Variants in AFAP1L2 observed in about 807,000 individuals in gnomAD.
AFAP1L2 encodes actin filament associated protein 1 like 2.
AFAP1L2 carries 46 observed loss-of-function variants against 99.3 expected under a neutral mutation model. The observed-to-expected ratio is 0.46, with a 90% confidence interval of 0.37 to 0.59. The LOEUF (loss-of-function observed/expected upper bound fraction) is 0.59, where lower values mean the gene tolerates loss of function less well. Ranked by LOEUF, AFAP1L2 falls within the 20% of genes least tolerant of loss-of-function variation. The probability of loss-of-function intolerance (pLI) is 0.00; values close to 1 mark genes in which losing one functional copy is unlikely to be tolerated. For synonymous variants in AFAP1L2, 397 were observed against 419.1 expected (o/e 0.95, Z 0.64); for missense variants, 959 against 1,034.9 (o/e 0.93, Z 1.01).
intron 1 of AFAP1L2, among the ~76,000 whole-genome samples, chr10:114,360,535 A>G (rs539370098): frequency 2.1e-4 from 30 of 141,826 alleles, no homozygotes; most frequent in Non-Finnish European, 3.6e-4. Context: ...ATAGATAGAT[A>G]GATAGATAGA....
At chr10:114,305,861 C>G (rs1261342770) in intron 10 of AFAP1L2, among the ~76,000 whole-genome samples, 8 of 59,646 alleles carry the variant, frequency 1.3e-4, no homozygotes, top group African/African-American at 3.5e-4. Context: ...GGAGGGGACG[C>G]GGGTGCAGGA....
chr10:114,365,385 C>T (rs1238129185), intron 1 of AFAP1L2, among the ~76,000 whole-genome samples: 1 of 152,168 alleles, frequency 6.6e-6, no homozygotes, highest in African/African-American at 2.4e-5. Context: ...AACTCCCAGT[C>T]ATTAGGCGGC....
downstream of AFAP1L2, chr10:114,294,820 A>AAAC: frequency 1.4e-5 from 14 of 981,800 alleles, no homozygotes; most frequent in East Asian, 1.2e-4. Context: ...GAACTGAGGA[A>AAAC]AACTTCAAAT....
At chr10:114,334,266 T>C (rs2047620900) in intron 2 of AFAP1L2, among the ~76,000 whole-genome samples, 1 of 152,228 alleles carries the variant, frequency 6.6e-6, no homozygotes, top group African/African-American at 2.4e-5. Context: ...TAACTCTTGC[T>C]CCATTTCCAA....
At chr10:114,328,834 G>A (rs2046819733) in intron 4 of AFAP1L2, among the ~76,000 whole-genome samples, 1 of 152,238 alleles carries the variant, frequency 6.6e-6, no homozygotes, top group Non-Finnish European at 1.5e-5. Context: ...GTGTGGGCAA[G>A]GACAGGGAGA....
rs930283946 is a variant in AFAP1L2 at position 114,346,782 on chromosome 10, A to G, written c.17-6051T>C. On this transcript the variant is annotated intron_variant, in intron 1 of 18. Coordinates refer to ENST00000304129, the MANE Select transcript of AFAP1L2 (RefSeq NM_001001936.3). ...GTTCAGGGTTGTCTGCTTAGGGTCA[A>G]TAAGTTTCTTGTTTGAGACTTCCAA... Among the ~76,000 whole-genome samples, 7 of 152,310 alleles carry G rather than the reference A, an allele frequency of 4.6e-5. No homozygotes were observed. In the East Asian group the frequency reaches 7.7e-4, roughly 17 times the overall value.
chr10:114,328,846 T>A (rs1024444047), intron 4 of AFAP1L2, among the ~76,000 whole-genome samples: 4 of 151,606 alleles, frequency 2.6e-5, no homozygotes, highest in African/African-American at 9.7e-5. Context: ...ACAGGGAGAG[T>A]GCCCGGTGAA....
chr10:114,390,357 C>T (rs2137905627), intron 1 of AFAP1L2, among the ~76,000 whole-genome samples: 1 of 152,294 alleles, frequency 6.6e-6, no homozygotes, highest in East Asian at 1.9e-4. Flanking sequence ...CTCAACCCTG[C>T]CCCCTTATGG....
At chr10:114,304,953 A>C (rs748609856) in intron 10 of AFAP1L2, 23 bp from the exon 11 acceptor site, 1 of 1,372,012 alleles carries the variant, frequency 7.3e-7, no homozygotes, top group South Asian at 1.1e-5. Context: ...GTGCAGATGC[A>C]GGAGGGGACA....
chr10:114,334,030 G>C (rs990643149), intron 2 of AFAP1L2, among the ~76,000 whole-genome samples: 1 of 152,186 alleles, frequency 6.6e-6, no homozygotes, highest in Admixed American at 6.5e-5. Flanking sequence ...CAGGCCTCTA[G>C]GTAGGGGGCC....
At chr10:114,335,855 G>T (rs149167657) in intron 2 of AFAP1L2, among the ~76,000 whole-genome samples, 3 of 152,042 alleles carry the variant, frequency 2.0e-5, no homozygotes, top group African/African-American at 4.8e-5. Flanking sequence ...TAAAAATAAC[G>T]TAAAGCAGAA....
At position 114,297,330 on chromosome 10, in the gene AFAP1L2, G is replaced by A. The variant is rs2040405962; in HGVS notation, c.2197C>T (p.Leu733=). ...CRGEESRRVD[L]ELSIMEVKDN... ...TTCACCTCCATGATGCTGAGCTCCA[G>A]GTCCACGCGCCTGCTCTCCTCGCCC... Residue 733 remains leucine, a synonymous_variant, in exon 17 of 19, where the codon CTG becomes TTG. Transcript: ENST00000304129. 6.2e-7 allele frequency: 1 copy of A among 1,613,916 alleles called. No individual in the cohort carries two copies.
Position 114,301,473 on chromosome 10 carries a change from C to A in AFAP1L2, c.1431-8G>T, listed in dbSNP as rs780227630. On this transcript the variant is annotated splice_region_variant and splice_polypyrimidine_tract_variant and intron_variant, in intron 12 of 18. Coordinates refer to ENST00000304129, the MANE Select transcript of AFAP1L2 (RefSeq NM_001001936.3). ...AACTTTCTCTGCATCAGTCTGGAAACAGGGCGAGGTGGCACACATGAAGCA... is the reference window on the plus strand; with the variant it reads ...AACTTTCTCTGCATCAGTCTGGAAAAAGGGCGAGGTGGCACACATGAAGCA... 64 of 1,602,540 alleles carry A rather than the reference C, an allele frequency of 4.0e-5. No homozygotes were observed. Among genetic ancestry groups the A allele is most frequent in the Non-Finnish European group, 4.9e-5 (57 of 1,169,478 alleles).
intron 1 of AFAP1L2, among the ~76,000 whole-genome samples, chr10:114,375,973 C>CA (rs951386432): frequency 1.3e-5 from 2 of 151,934 alleles, no homozygotes; most frequent in Non-Finnish European, 2.9e-5. Context: ...ACAAAAAATA[C>CA]AAAAAAACAA....
intron 4 of AFAP1L2, among the ~76,000 whole-genome samples, chr10:114,330,156 C>G (rs968586480): frequency 2.0e-5 from 3 of 152,172 alleles, no homozygotes; most frequent in African/African-American, 7.2e-5. Flanking sequence ...TCCAGAACTG[C>G]CCACCCACCC....
intron 1 of AFAP1L2, among the ~76,000 whole-genome samples, chr10:114,395,138 G>A (rs11196722): frequency 0.018 from 2,771 of 152,234 alleles, 22 homozygotes; most frequent in Non-Finnish European, 0.028. Context: ...TTCTCCCTAA[G>A]TGTGCAGGAA....
chr10:114,349,636 G>A (rs556424048), intron 1 of AFAP1L2, among the ~76,000 whole-genome samples: 2 of 151,158 alleles, frequency 1.3e-5, no homozygotes, highest in African/African-American at 4.9e-5. Context: ...ACATATCACT[G>A]TACTCAGTTT....
At chr10:114,404,580 C>A (rs1185305835), upstream of AFAP1L2, 5 of 1,319,324 alleles carry the variant, frequency 3.8e-6, no homozygotes, top group East Asian at 1.6e-4. Context: ...GACCTCCTGG[C>A]GGGGCCGCCG....
At chr10:114,395,856 C>T (rs1213438068) in intron 1 of AFAP1L2, among the ~76,000 whole-genome samples, 14 of 152,172 alleles carry the variant, frequency 9.2e-5, no homozygotes, top group Non-Finnish European at 1.8e-4. Flanking sequence ...GCCCCAAACC[C>T]GACCCTTCTT....
Sources: allele counts gnomAD v4.1 joint callset (sites outside exome capture counted in the v4.1 genomes callset), GRCh38; gene constraint gnomAD v4.1.1; transcripts MANE v1.5; gene names NCBI Gene and HGNC (gene_info 2026-07-23, HGNC 2026-07-21).